CPNE8: variants seen among roughly 807,000 people sequenced by gnomAD.
CPNE8 encodes the protein copine-8.
A neutral mutation model predicts 81.5 loss-of-function variants in CPNE8; 45 were observed. The observed-to-expected ratio is 0.55, with a 90% CI of 0.44 to 0.71. The LOEUF (loss-of-function observed/expected upper bound fraction) is 0.71. CPNE8 is among the 30% of genes least tolerant of loss of function. The pLI is 0.00. For synonymous variants in CPNE8, 252 were observed against 226.3 expected (o/e 1.11, Z -1.02); for missense variants, 594 against 672.1 (o/e 0.88, Z 1.28).
intron 13 of CPNE8, among the ~76,000 whole-genome samples, chr12:38,720,416 C>T (rs566805739): frequency 1.3e-5 from 2 of 152,042 alleles, no homozygotes; most frequent in Non-Finnish European, 2.9e-5. Flanking sequence ...AGACTCACAC[C>T]CAAATATTGC....
chr12:38,880,636 T>C (rs1379317932), intron 1 of CPNE8, among the ~76,000 whole-genome samples: 1 of 152,184 alleles, frequency 6.6e-6, no homozygotes, highest in East Asian at 1.9e-4. Context: ...TGTATATATA[T>C]TTTTTAATGT....
chr12:38,743,178 T>C (rs1941149367), intron 10 of CPNE8, among the ~76,000 whole-genome samples: 1 of 152,064 alleles, frequency 6.6e-6, no homozygotes, highest in African/African-American at 2.4e-5. Context: ...ATGACCTTAT[T>C]TATTAGTCAG....
chr12:38,678,633 G>A (rs1429759213), intron 16 of CPNE8, among the ~76,000 whole-genome samples: 1 of 151,822 alleles, frequency 6.6e-6, no homozygotes, highest in Non-Finnish European at 1.5e-5. Flanking sequence ...ACGTATGTCA[G>A]GGCACAACTT....
At chr12:38,731,845 CATAAA>C (rs1368761346) in intron 10 of CPNE8, among the ~76,000 whole-genome samples, 1 of 151,864 alleles carries the variant, frequency 6.6e-6, no homozygotes, top group Non-Finnish European at 1.5e-5. Flanking sequence ...AATCAGAACA[CATAAA>C]ATAATTCTCT....
At position 38,767,670 on chromosome 12, in the gene CPNE8, A is replaced by T. The variant is rs146830726; in HGVS notation, c.540T>A (p.Pro180=). ...CATTACTTCGATAAAATACAAGGAA[A>T]GGATCTGATTTTCCAAAGAAGTCCT... ...DKKDFFGKSD[P]FLVFYRSNED... Residue 180 remains proline, a synonymous_variant, in exon 8 of 20, where the codon CCT becomes CCA. Coordinates refer to ENST00000331366, the MANE Select transcript of CPNE8 (RefSeq NM_153634.3). The T allele has an allele frequency of 6.6e-5, 104 of 1,566,632 alleles. 2 individuals are homozygous for T. In the Middle Eastern group the frequency reaches 1.5e-3, roughly 23 times the overall value.
intron 7 of CPNE8, among the ~76,000 whole-genome samples, chr12:38,775,926 G>C (rs563581746): frequency 2.0e-5 from 3 of 152,248 alleles, no homozygotes; most frequent in African/African-American, 7.2e-5. Context: ...AAAAAAGTTT[G>C]CAGTAATTGA....
intron 6 of CPNE8, among the ~76,000 whole-genome samples, chr12:38,809,059 A>G (rs1169356722): frequency 6.6e-6 from 1 of 152,182 alleles, no homozygotes; most frequent in Non-Finnish European, 1.5e-5. Flanking sequence ...CCATTTGGAA[A>G]ACAATTTGGT....
rs1456587844 is a variant in CPNE8, at chr12:38,839,861, A to G, written c.330+55T>C. On this transcript the variant is annotated intron_variant, in intron 5 of 19. Coordinates refer to ENST00000331366, the MANE Select transcript of CPNE8 (RefSeq NM_153634.3). ...ATAACTTTAATATTAATAAGTCAGCATAAGTACTAATCATTGTATTATAAT... is the reference window on the plus strand; with the variant it reads ...ATAACTTTAATATTAATAAGTCAGCGTAAGTACTAATCATTGTATTATAAT... 8.5e-6 allele frequency: 12 copies of G among 1,419,424 alleles called. 1 individual carries two copies. Among genetic ancestry groups the G allele is most frequent in the East Asian group, 5.0e-5 (2 of 40,312 alleles). 87.9% of individuals were successfully genotyped at this position (1,419,424 alleles called of 1,614,324 possible).
chr12:38,868,057 T>A (rs2137095570), intron 3 of CPNE8, among the ~76,000 whole-genome samples: 1 of 152,248 alleles, frequency 6.6e-6, no homozygotes, highest in African/African-American at 2.4e-5. Context: ...CTAAAAGTGA[T>A]TCATCTCAGA....
chr12:38,798,344 T>G (rs1055858908), intron 6 of CPNE8, among the ~76,000 whole-genome samples: 4 of 152,092 alleles, frequency 2.6e-5, no homozygotes, highest in Admixed American at 6.6e-5. Context: ...CACTAACAGC[T>G]GATCTCTCCG....
intron 3 of CPNE8, among the ~76,000 whole-genome samples, chr12:38,856,806 A>G (rs575889324): frequency 6.6e-6 from 1 of 152,282 alleles, no homozygotes; most frequent in Non-Finnish European, 1.5e-5. Context: ...ATGATTAACC[A>G]TAGAATAAAA....
chr12:38,733,660 C>T (rs1318263145), intron 10 of CPNE8, among the ~76,000 whole-genome samples: 2 of 151,886 alleles, frequency 1.3e-5, no homozygotes, highest in East Asian at 1.9e-4. Flanking sequence ...TGTCTGTTTA[C>T]GTCTCTATTT....
At chr12:38,785,143 G>A (rs533814352) in intron 6 of CPNE8, among the ~76,000 whole-genome samples, 101 of 150,888 alleles carry the variant, frequency 6.7e-4, no homozygotes, top group African/African-American at 2.2e-3. Flanking sequence ...TGCAGAGATC[G>A]TGCCACTGCA....
rs576842464 is a variant in CPNE8 at position 38,806,597 on chromosome 12, G to A, written c.407+22782C>T. Reference sequence around the variant, plus strand: ...TCAATAAATTAGGTACTGATGGGACGTATCTCAAAATAATAAGAGCTATCT... The same window carrying A: ...TCAATAAATTAGGTACTGATGGGACATATCTCAAAATAATAAGAGCTATCT... On this transcript the variant is annotated intron_variant, in intron 6 of 19. Transcript: ENST00000331366. Among the ~76,000 whole-genome samples, 31 of 148,734 alleles carry A rather than the reference G, an allele frequency of 2.1e-4. 2 individuals carry two copies. The highest frequency in any genetic ancestry group is 1.1e-3 in the East Asian group (5 of 4,354).
At chr12:38,726,674 T>G (rs957114423) in intron 11 of CPNE8, 2 of 152,198 alleles carry the variant, frequency 1.3e-5, no homozygotes, top group Non-Finnish European at 2.9e-5. Context: ...GATACATTTT[T>G]CTCGAAAAAC....
chr12:38,826,997 G>A lies in CPNE8; in HGVS notation c.407+2382C>T, dbSNP rs367999621. On this transcript the variant is annotated intron_variant, in intron 6 of 19. Coordinates refer to ENST00000331366, the MANE Select transcript of CPNE8 (RefSeq NM_153634.3). Reference sequence around the variant, plus strand: ...AGCCTGACCAACATGCTGAAACCCCGTCTCTACTAAAAATACAAAAAAAAA... The same window carrying A: ...AGCCTGACCAACATGCTGAAACCCCATCTCTACTAAAAATACAAAAAAAAA... Among the ~76,000 whole-genome samples, 1,206 of 139,430 alleles carry A rather than the reference G, an allele frequency of 8.6e-3. 19 individuals carry two copies. Among genetic ancestry groups the A allele is most frequent in the Middle Eastern group, 0.038 (10 of 266 alleles). The allele number at this position is 139,430 out of a possible 152,430, so 91.5% of individuals were successfully genotyped here.
At chr12:38,820,745 T>C (rs1207400662) in intron 6 of CPNE8, among the ~76,000 whole-genome samples, 2 of 152,168 alleles carry the variant, frequency 1.3e-5, no homozygotes, top group East Asian at 3.9e-4. Context: ...AACAAAAATA[T>C]CTTGCAAATG....
At chr12:38,839,775 T>C in intron 5 of CPNE8, 141 bp downstream of exon 5, 1 of 764,192 alleles carries the variant, frequency 1.3e-6, no homozygotes, top group Non-Finnish European at 1.8e-6. Flanking sequence ...TTTCTGGGGT[T>C]CTTTTAAAAT....
Position 38,760,849 on chromosome 12 carries a change from T to C in CPNE8, c.720A>G (p.Gly240=), listed in dbSNP as rs775740316. 2.5e-5 allele frequency: 40 copies of C among 1,592,362 alleles called. No homozygotes were observed. The highest frequency in any genetic ancestry group is 3.3e-5 in the Non-Finnish European group (39 of 1,171,762). The part of the protein sequence containing the change: ...KVEVYDWDRD[G]SHDFIGEFTT... ...TAAGAAGATAAGAACTGTCTTACCT[T>C]CCATCTCGGTCCCAGTCATACACCT... The change falls in exon 10 of 20, where the codon GGA becomes GGG. Residue 240 remains glycine, a splice_region_variant and synonymous_variant. Coordinates refer to ENST00000331366, the MANE Select transcript of CPNE8 (RefSeq NM_153634.3).
Sources: gnomAD v4.1 joint callset for allele counts (sites outside exome capture counted in the v4.1 genomes callset) on GRCh38, gnomAD v4.1.1 for gene constraint, MANE v1.5 for transcripts, NCBI Gene and HGNC (gene_info 2026-07-23, HGNC 2026-07-21) for gene names.